SPIDR: variants seen among roughly 807,000 people sequenced by gnomAD.
SPIDR encodes scaffold protein involved in DNA repair.
Under a neutral mutation model 104.6 loss-of-function variants are expected in SPIDR, and 93 were observed. That is an observed-to-expected ratio of 0.89 (90% CI 0.75 to 1.06). SPIDR has a LOEUF of 1.06. SPIDR is among the 50% of genes least tolerant of loss of function. The pLI is 0.00. For synonymous variants in SPIDR, 431 were observed against 416.9 expected (o/e 1.03, Z -0.41); for missense variants, 1,154 against 1,111.2 (o/e 1.04, Z -0.55).
chr8:47,706,216 C>A lies in SPIDR; in HGVS notation c.1977+4201C>A, dbSNP rs183698893. Among the ~76,000 whole-genome samples the A allele has an allele frequency of 3.3e-5, 5 of 152,138 alleles. No homozygotes were observed. In the South Asian group the frequency reaches 6.2e-4, roughly 19 times the overall value. On this transcript the variant is annotated intron_variant, in intron 14 of 19. Coordinates refer to ENST00000297423, the MANE Select transcript of SPIDR (RefSeq NM_001080394.4). The stretch of plus-strand genomic sequence containing the variant: ...GACCATCCTGGCTAACATGGTGAAA[C>A]CCTGTCTCTACTAAAAATACAAAAA...
chr8:47,386,890 GAAAGAGAGAGAGAGATAT>G (rs1472386828), intron 5 of SPIDR, among the ~76,000 whole-genome samples: 286 of 61,588 alleles, frequency 4.6e-3, no homozygotes, highest in African/African-American at 0.016. Context: ...GAGAGAGAGA[GAAAGAGAGAGAGAGATAT>G]AGATATAGAT....
intron 8 of SPIDR, among the ~76,000 whole-genome samples, chr8:47,495,897 A>G (rs2079376277): frequency 6.6e-6 from 1 of 152,102 alleles, no homozygotes; most frequent in Non-Finnish European, 1.5e-5. Context: ...TTATGCCACT[A>G]TTGACTTTAG....
At chr8:47,521,797 G>A (rs991718158) in intron 8 of SPIDR, among the ~76,000 whole-genome samples, 1 of 152,144 alleles carries the variant, frequency 6.6e-6, no homozygotes, top group Non-Finnish European at 1.5e-5. Context: ...AATTCTTCCA[G>A]TTAGTTTTGA....
intron 8 of SPIDR, among the ~76,000 whole-genome samples, chr8:47,466,887 G>T (rs1158893440): frequency 2.0e-5 from 1 of 48,964 alleles, no homozygotes; most frequent in Non-Finnish European, 4.3e-5. Flanking sequence ...AGTTTTTTTT[G>T]AAAAAAAAAA....
Position 47,670,757 on chromosome 8 carries a change from T to C in SPIDR, c.1545-3044T>C, listed in dbSNP as rs142949762. 4.1e-4 allele frequency among the ~76,000 whole-genome samples: 62 copies of C among 151,554 alleles called. No homozygotes were observed. The East Asian group carries it at 0.012, about 29-fold the overall frequency. ...GATTTCATTGCTATCCATTTTCAGTTTTTCAGCTCTACACCTTTAATATTA... is the reference window on the plus strand; with the variant it reads ...GATTTCATTGCTATCCATTTTCAGTCTTTCAGCTCTACACCTTTAATATTA... On this transcript the variant is annotated intron_variant, in intron 10 of 19. Transcript: ENST00000297423.
chr8:47,307,156 C>T (rs1408364830), intron 5 of SPIDR, among the ~76,000 whole-genome samples: 5 of 150,764 alleles, frequency 3.3e-5, no homozygotes, highest in African/African-American at 4.9e-5. Context: ...GCCCTCATTT[C>T]CTGCATTACT....
intron 8 of SPIDR, among the ~76,000 whole-genome samples, chr8:47,530,045 C>A (rs1338323318): frequency 6.6e-6 from 1 of 152,188 alleles, no homozygotes; most frequent in Non-Finnish European, 1.5e-5. Flanking sequence ...CTTATACAAG[C>A]CTAGGTGATA....
chr8:47,510,268 T>C (rs2082112976), intron 8 of SPIDR, among the ~76,000 whole-genome samples: 2 of 152,262 alleles, frequency 1.3e-5, no homozygotes, highest in South Asian at 2.1e-4. Context: ...TGTGTAATTA[T>C]GTGTGCACAC....
At chr8:47,323,711 A>G (rs1415805794) in intron 5 of SPIDR, among the ~76,000 whole-genome samples, 1 of 152,216 alleles carries the variant, frequency 6.6e-6, no homozygotes. Context: ...CATAGAAGAC[A>G]TTCAAGCAAT....
At chr8:47,507,511 T>C (rs1476832457) in intron 8 of SPIDR, among the ~76,000 whole-genome samples, 1 of 152,236 alleles carries the variant, frequency 6.6e-6, no homozygotes, top group African/African-American at 2.4e-5. Flanking sequence ...AGACAGCTGG[T>C]CATGCAGACT....
chr8:47,340,281 C>T (rs1431816591), intron 5 of SPIDR, among the ~76,000 whole-genome samples: 1 of 151,982 alleles, frequency 6.6e-6, no homozygotes, highest in Non-Finnish European at 1.5e-5. Flanking sequence ...AGTTTAAGTT[C>T]GGTTTCTGGC....
In SPIDR at chr8:47,595,949, C is replaced by T. The variant is rs1263006571; in HGVS notation, c.1236C>T (p.Ile412=). The change falls in exon 9 of 20, where the codon ATC becomes ATT. Residue 412 remains isoleucine, a synonymous_variant. Transcript: ENST00000297423. ...ACATACCCCTTCCAAGAAGAAGCAT[C>T]TCTTTGGCCCAGATGTTTGTAATTA... is the stretch of plus-strand genomic sequence containing the variant. The part of the protein sequence containing the change: ...CPDIPLPRRS[I]SLAQMFVIKG... 1 of 1,614,052 alleles carries T rather than the reference C, an allele frequency of 6.2e-7. No individual in the cohort carries two copies. The highest frequency in any genetic ancestry group is 2.2e-5 in the East Asian group (1 of 44,890).
At chr8:47,331,293 CATT>C (rs1431454008) in intron 5 of SPIDR, among the ~76,000 whole-genome samples, 1 of 152,092 alleles carries the variant, frequency 6.6e-6, no homozygotes, top group African/African-American at 2.4e-5. Context: ...AGAAATGTGT[CATT>C]ATTAGGTGAT....
chr8:47,396,572 C>T lies in SPIDR; in HGVS notation c.722C>T (p.Pro241Leu). The change falls in exon 6 of 20, where the codon CCC (proline) becomes CTC (leucine). Residue 241 changes from proline to leucine, a missense_variant. Pro to Leu is a moderately conservative substitution (Grantham distance 98). Coordinates refer to ENST00000297423, the MANE Select transcript of SPIDR (RefSeq NM_001080394.4). The part of the protein sequence containing the change: ...TETILHTPQK[P>L]TAKFPRTPEN... ...ACCATTTTGCATACACCTCAGAAAC[C>T]CACAGCTAAGTTTCCCAGGACTCCA... 6.2e-7 allele frequency: 1 copy of T among 1,613,972 alleles called. No homozygotes were observed. Among genetic ancestry groups the T allele is most frequent in the Non-Finnish European group, 8.5e-7 (1 of 1,179,960 alleles).
At chr8:47,343,985 A>ATTG (rs1411016987) in intron 5 of SPIDR, among the ~76,000 whole-genome samples, 2 of 150,048 alleles carry the variant, frequency 1.3e-5, no homozygotes, top group Non-Finnish European at 3.0e-5. Flanking sequence ...TATTATTATT[A>ATTG]TACGTCAAGT....
chr8:47,452,390 C>A (rs2071975422), intron 8 of SPIDR, among the ~76,000 whole-genome samples: 2 of 152,238 alleles, frequency 1.3e-5, no homozygotes, highest in South Asian at 4.1e-4. Flanking sequence ...GATACCAAAG[C>A]CTGGCAGAGA....
intron 5 of SPIDR, among the ~76,000 whole-genome samples, chr8:47,368,786 G>T (rs1325981617): frequency 6.6e-6 from 1 of 152,162 alleles, no homozygotes; most frequent in Admixed American, 6.5e-5. Flanking sequence ...TCTGTTCTGT[G>T]AATGTTTATT....
intron 8 of SPIDR, among the ~76,000 whole-genome samples, chr8:47,468,658 A>G (rs781866561): frequency 6.6e-5 from 10 of 152,222 alleles, no homozygotes; most frequent in Non-Finnish European, 1.3e-4. Context: ...CATGCAGAAG[A>G]TTGAGCCTTG....
At chr8:47,353,302 G>A (rs148084455) in intron 5 of SPIDR, among the ~76,000 whole-genome samples, 192 of 152,270 alleles carry the variant, frequency 1.3e-3, no homozygotes, top group Non-Finnish European at 2.3e-3. Context: ...AGCAGGACCT[G>A]TGTGAGAATG....
Sources: gnomAD v4.1 joint callset for allele counts (sites outside exome capture counted in the v4.1 genomes callset) on GRCh38, gnomAD v4.1.1 for gene constraint, MANE v1.5 for transcripts, NCBI Gene and HGNC (gene_info 2026-07-23, HGNC 2026-07-21) for gene names.